CRISPLD2: variants seen among roughly 807,000 people sequenced by gnomAD.
CRISPLD2 encodes cysteine rich secretory protein LCCL domain containing 2.
CRISPLD2 carries 47 observed loss-of-function variants against 71.1 expected under a neutral mutation model. The ratio of observed to expected loss-of-function variants is 0.66; its 90% CI spans 0.52 to 0.84. The LOEUF is 0.84. Among genes scored for constraint, CRISPLD2 ranks in the 40% least tolerant of loss-of-function variants. The probability of loss-of-function intolerance (pLI) is 0.00; values close to 1 mark genes in which losing one functional copy is unlikely to be tolerated. For synonymous variants in CRISPLD2, 317 were observed against 250.1 expected (o/e 1.27, Z -2.52); for missense variants, 830 against 651.1 (o/e 1.27, Z -2.99).
intron 1 of CRISPLD2, among the ~76,000 whole-genome samples, chr16:84,831,759 G>C (rs1276598764): frequency 6.6e-6 from 1 of 151,688 alleles, no homozygotes; most frequent in Non-Finnish European, 1.5e-5. Context: ...TTTATTTTTT[G>C]AGTCTTGCCG....
intron 4 of CRISPLD2, 97 bp from the exon 5 acceptor site, chr16:84,850,471 C>A: frequency 2.2e-6 from 2 of 912,186 alleles, no homozygotes; most frequent in South Asian, 2.8e-5. Context: ...TCACCTCGTA[C>A]CTCTTTAGTG....
chr16:84,877,616 G>C (rs770689733), intron 12 of CRISPLD2, 106 bp downstream of exon 12: 4 of 896,354 alleles, frequency 4.5e-6, no homozygotes, highest in Admixed American at 4.3e-5. Flanking sequence ...TTGGGAGGCC[G>C]AGGCGGGTGG....
At chr16:84,862,774 G>T (rs1917421871) in intron 6 of CRISPLD2, among the ~76,000 whole-genome samples, 2 of 151,648 alleles carry the variant, frequency 1.3e-5, no homozygotes, top group African/African-American at 4.8e-5. Context: ...AGGGAAGGGT[G>T]GGGTAGATGT....
intron 1 of CRISPLD2, among the ~76,000 whole-genome samples, chr16:84,822,130 G>A (rs1194728400): frequency 6.6e-6 from 1 of 152,214 alleles, no homozygotes; most frequent in East Asian, 1.9e-4. Flanking sequence ...GGGTGAGGCT[G>A]GGAGGGGATC....
rs1322642988 is a variant in CRISPLD2 at position 84,850,630 on chromosome 16, C to G, written c.555C>G (p.Val185=). Residue 185 remains valine, a synonymous_variant, in exon 5 of 15, where the codon GTC becomes GTG. Coordinates refer to ENST00000262424, the MANE Select transcript of CRISPLD2 (RefSeq NM_031476.4). ...TGAACACCTGCCGGAAGATGACTGT[C>G]TGGGGAGAAGTTTGGGAGAACGCGG... ...CAVNTCRKMT[V]WGEVWENAVY... is the part of the protein sequence containing the mutation. The G allele has an allele frequency of 6.2e-7, 1 of 1,614,058 alleles. No homozygotes were observed. The highest frequency in any genetic ancestry group is 8.5e-7 in the Non-Finnish European group (1 of 1,180,046).
At chr16:84,838,315 A>C (rs149066789) in intron 1 of CRISPLD2, 107 bp from the exon 2 acceptor site, 3 of 710,680 alleles carry the variant, frequency 4.2e-6, no homozygotes, top group Admixed American at 2.6e-5. Flanking sequence ...CAGTTTCCGC[A>C]TCTGTAAAAT....
chr16:84,871,962 T>G (rs1031294558), intron 8 of CRISPLD2, among the ~76,000 whole-genome samples: 3 of 150,412 alleles, frequency 2.0e-5, no homozygotes, highest in African/African-American at 7.3e-5. Context: ...AACCTCAAAT[T>G]CAACCAACTG....
At chr16:84,833,760 G>T (rs1368121562) in intron 1 of CRISPLD2, among the ~76,000 whole-genome samples, 3 of 152,182 alleles carry the variant, frequency 2.0e-5, no homozygotes, top group Non-Finnish European at 4.4e-5. Flanking sequence ...ACGTCACCAT[G>T]ATGCGAGGGT....
At chr16:84,895,873 G>A (rs996876105) in intron 14 of CRISPLD2, among the ~76,000 whole-genome samples, 1 of 152,048 alleles carries the variant, frequency 6.6e-6, no homozygotes, top group Non-Finnish European at 1.5e-5. Context: ...CTAAGGAGTG[G>A]GCACTTTGAG....
At chr16:84,830,559 C>T (rs944490470) in intron 1 of CRISPLD2, among the ~76,000 whole-genome samples, 11 of 152,004 alleles carry the variant, frequency 7.2e-5, no homozygotes, top group African/African-American at 2.7e-4. Flanking sequence ...AAAAATTAGC[C>T]AGGCGTGGTG....
intron 3 of CRISPLD2, among the ~76,000 whole-genome samples, chr16:84,847,433 C>G (rs1167258625): frequency 3.9e-5 from 6 of 152,134 alleles, no homozygotes; most frequent in Non-Finnish European, 5.9e-5. Context: ...GGGCAGAATA[C>G]AAGGTCAGGA....
intron 6 of CRISPLD2, among the ~76,000 whole-genome samples, chr16:84,858,127 C>T (rs763419198): frequency 6.6e-6 from 1 of 152,192 alleles, no homozygotes; most frequent in Non-Finnish European, 1.5e-5. Context: ...CTGTGATTCA[C>T]CTATGGGAGC....
chr16:84,893,658 G>A (rs2071681925), intron 14 of CRISPLD2, among the ~76,000 whole-genome samples: 1 of 152,166 alleles, frequency 6.6e-6, no homozygotes, highest in African/African-American at 2.4e-5. Flanking sequence ...AGTTCAGGGA[G>A]GCATCAAGAG....
chr16:84,880,828 G>A lies in CRISPLD2; in HGVS notation c.1305+244G>A, dbSNP rs774201. On this transcript the variant is annotated intron_variant, in intron 13 of 14. Transcript: ENST00000262424. ...TCAAACGATTCTTGTACCTCAACCT[G>A]CCAAGTAGCTGGGGTTACACAGTGC... The A allele has an allele frequency of 1.5e-5, 5 of 333,682 alleles. No homozygotes were observed. In the South Asian group the frequency reaches 2.7e-4, roughly 18 times the overall value. 20.7% of individuals were successfully genotyped at this position (333,682 alleles called of 1,614,324 possible).
intron 11 of CRISPLD2, 140 bp from the exon 12 acceptor site, chr16:84,877,298 G>C (rs1457921054): frequency 7.3e-5 from 47 of 643,614 alleles, no homozygotes; most frequent in Middle Eastern, 4.4e-4. Flanking sequence ...CGAGGAGCCT[G>C]CTGGGTCGTA....
chr16:84,853,988 A>G (rs960452308), intron 5 of CRISPLD2, among the ~76,000 whole-genome samples: 1 of 152,214 alleles, frequency 6.6e-6, no homozygotes, highest in African/African-American at 2.4e-5. Context: ...CCCCTGGAGA[A>G]AGCCTATGGT....
chr16:84,861,689 C>T (rs955698671), intron 6 of CRISPLD2, among the ~76,000 whole-genome samples: 1 of 152,154 alleles, frequency 6.6e-6, no homozygotes, highest in African/African-American at 2.4e-5. Flanking sequence ...GTCAAGCTGA[C>T]ACTCAGTATT....
chr16:84,865,926 A>T (rs1354112775), intron 6 of CRISPLD2, among the ~76,000 whole-genome samples: 1 of 152,224 alleles, frequency 6.6e-6, no homozygotes, highest in Non-Finnish European at 1.5e-5. Flanking sequence ...ATGTCCTTGA[A>T]TAAGGAAAAG....
Position 84,868,833 on chromosome 16 carries a change from C to T in CRISPLD2, c.854-18C>T. On this transcript the variant is annotated intron_variant, in intron 7 of 14. Coordinates refer to ENST00000262424, the MANE Select transcript of CRISPLD2 (RefSeq NM_031476.4). ...CTGGTTTCGTGCCGTGACATGTATT[C>T]CCGCATTTCTCTCCTAGCCCAAGTC... 3.1e-6 allele frequency: 5 copies of T among 1,609,646 alleles called. No individual in the cohort carries two copies. Among genetic ancestry groups the T allele is most frequent in the Non-Finnish European group, 4.2e-6 (5 of 1,176,998 alleles).
Sources: allele counts gnomAD v4.1 joint callset (sites outside exome capture counted in the v4.1 genomes callset), GRCh38; gene constraint gnomAD v4.1.1; transcripts MANE v1.5; gene names NCBI Gene and HGNC (gene_info 2026-07-23, HGNC 2026-07-21).